Variants in TLN2 observed in about 807,000 individuals in gnomAD.
The protein encoded by TLN2 is talin-2.
In TLN2, 118 loss-of-function variants were observed where a neutral mutation model predicts 294.7. That is an observed-to-expected ratio of 0.40 (90% CI 0.34 to 0.47). The LOEUF (loss-of-function observed/expected upper bound fraction) is 0.47, where lower values mean the gene tolerates loss of function less well. Ranked by LOEUF, TLN2 falls within the 20% of genes least tolerant of loss-of-function variation. TLN2 has a pLI of 0.84. For missense variants in TLN2, 3,083 were observed against 3,282.2 expected, an observed-to-expected ratio of 0.94 and a Z score of 1.48; for synonymous variants, 1,431 against 1,304.5, an observed-to-expected ratio of 1.10 and a Z score of -2.09.
At chr15:62,742,577 A>G (rs753285985) in intron 32 of TLN2, among the ~76,000 whole-genome samples, 6 of 152,170 alleles carry the variant, frequency 3.9e-5, no homozygotes, top group Non-Finnish European at 8.8e-5. Context: ...GGCTCTGTGA[A>G]TAGGTGCAGG....
intron 9 of TLN2, among the ~76,000 whole-genome samples, chr15:62,664,320 A>C (rs2054272398): frequency 6.6e-6 from 1 of 152,064 alleles, no homozygotes; most frequent in South Asian, 2.1e-4. Flanking sequence ...ACATGAAAAG[A>C]TGTTTAACCT....
chr15:62,551,960 G>A (rs1233129223), intron 1 of TLN2, among the ~76,000 whole-genome samples: 3 of 152,166 alleles, frequency 2.0e-5, no homozygotes, highest in African/African-American at 7.2e-5. Context: ...GTTGATAGAA[G>A]GTACAAGAAG....
chr15:62,664,589 T>C (rs2054305599), intron 9 of TLN2, among the ~76,000 whole-genome samples: 1 of 151,968 alleles, frequency 6.6e-6, no homozygotes, highest in African/African-American at 2.4e-5. Flanking sequence ...CTGGGCGCGT[T>C]GGCCCACGCC....
chr15:62,642,342 T>G (rs2065866291), intron 3 of TLN2, among the ~76,000 whole-genome samples: 2 of 152,072 alleles, frequency 1.3e-5, no homozygotes. Context: ...TGCAAGAAAT[T>G]GTACACAGAT....
chr15:62,717,359 A>G (rs949970569), intron 23 of TLN2, among the ~76,000 whole-genome samples: 13 of 152,192 alleles, frequency 8.5e-5, no homozygotes, highest in Admixed American at 1.3e-4. Context: ...TGAGCTTTCA[A>G]GCGTGCCTGT....
At chr15:62,518,619 T>C (rs1316763947) in intron 1 of TLN2, among the ~76,000 whole-genome samples, 2 of 151,992 alleles carry the variant, frequency 1.3e-5, no homozygotes, top group Non-Finnish European at 2.9e-5. Flanking sequence ...TTTTTTGAGA[T>C]GGAATTTTTG....
intron 45 of TLN2, among the ~76,000 whole-genome samples, chr15:62,788,634 G>A (rs1177321295): frequency 1.3e-5 from 2 of 152,128 alleles, no homozygotes; most frequent in East Asian, 1.9e-4. Context: ...AACTACAGTC[G>A]CTAGTATGCG....
chr15:62,794,084 G>A (rs1404339179), intron 46 of TLN2, among the ~76,000 whole-genome samples: 4 of 152,112 alleles, frequency 2.6e-5, no homozygotes, highest in African/African-American at 9.7e-5. Flanking sequence ...CCCCATAAAA[G>A]GCCTTATAGC....
In TLN2 at chr15:62,651,135, T is replaced by C. The variant is rs74970395; in HGVS notation, c.235-870T>C. On this transcript the variant is annotated intron_variant, in intron 5 of 58. Transcript: ENST00000636159. ...TTGCTTATGACAGGTTAAAAGATAATTGGAGACACACACTGATGTCTTTTT... is the reference window on the plus strand; with the variant it reads ...TTGCTTATGACAGGTTAAAAGATAACTGGAGACACACACTGATGTCTTTTT... 5.4e-3 allele frequency among the ~76,000 whole-genome samples: 817 copies of C among 152,336 alleles called. 27 individuals carry two copies. In the East Asian group the frequency reaches 0.083, roughly 16 times the overall value.
At chr15:62,723,538 C>CTT (rs555674609) in intron 26 of TLN2, among the ~76,000 whole-genome samples, 1,788 of 107,094 alleles carry the variant, frequency 0.017, 65 homozygotes, top group South Asian at 0.044. Flanking sequence ...ACTGTGAAAA[C>CTT]TTTTTTTTTT....
At chr15:62,464,314 A>G (rs930601142) in intron 1 of TLN2, among the ~76,000 whole-genome samples, 2 of 152,214 alleles carry the variant, frequency 1.3e-5, no homozygotes, top group East Asian at 1.9e-4. Context: ...TCAGCAAACT[A>G]TCGCAAGGAC....
intron 46 of TLN2, among the ~76,000 whole-genome samples, chr15:62,795,810 AAATGC>A (rs2065434977): frequency 6.6e-6 from 1 of 152,222 alleles, no homozygotes; most frequent in Non-Finnish European, 1.5e-5. Context: ...ACTATGTGCC[AAATGC>A]CTTGCTAGAC....
chr15:62,701,081 G>A (rs1271208940), intron 16 of TLN2, 25 bp from the exon 17 acceptor site: 10 of 1,599,416 alleles, frequency 6.3e-6, no homozygotes, highest in African/African-American at 1.3e-5. Context: ...CTGTGATTGT[G>A]TTGTGCCGTT....
intron 5 of TLN2, 69 bp from the exon 6 acceptor site, chr15:62,651,936 G>T: frequency 6.9e-7 from 1 of 1,450,682 alleles, no homozygotes. Context: ...ATTTTTTAAA[G>T]AAAAGTGTTC....
chr15:62,615,720 CTTTA>C (rs1463958019), intron 2 of TLN2, among the ~76,000 whole-genome samples: 2 of 152,176 alleles, frequency 1.3e-5, no homozygotes, highest in Non-Finnish European at 2.9e-5. Flanking sequence ...TCATGTTTAT[CTTTA>C]TTTATTTCAG....
At chr15:62,606,476 G>A (rs895327173) in intron 2 of TLN2, among the ~76,000 whole-genome samples, 4 of 152,094 alleles carry the variant, frequency 2.6e-5, no homozygotes, top group African/African-American at 4.8e-5. Flanking sequence ...AAAGTTTAGC[G>A]ATGATAGAAT....
intron 43 of TLN2, among the ~76,000 whole-genome samples, chr15:62,780,580 C>T (rs537993126): frequency 2.6e-5 from 4 of 152,350 alleles, no homozygotes; most frequent in South Asian, 4.1e-4. Flanking sequence ...TTGCCCTTCT[C>T]TCAGTTCCTA....
At chr15:62,783,150 C>T (rs2064329015) in intron 44 of TLN2, among the ~76,000 whole-genome samples, 1 of 152,216 alleles carries the variant, frequency 6.6e-6, no homozygotes, top group Non-Finnish European at 1.5e-5. Context: ...TGGCTAAAAC[C>T]TTGTCATTCT....
At chr15:62,622,893 C>T (rs966680053) in intron 3 of TLN2, among the ~76,000 whole-genome samples, 7 of 152,158 alleles carry the variant, frequency 4.6e-5, no homozygotes, top group African/African-American at 7.2e-5. Context: ...TCTAAGCTGT[C>T]GACATAACAT....
Sources: gnomAD v4.1 joint callset for allele counts (sites outside exome capture counted in the v4.1 genomes callset) on GRCh38, gnomAD v4.1.1 for gene constraint, MANE v1.5 for transcripts, NCBI Gene and HGNC (gene_info 2026-07-23, HGNC 2026-07-21) for gene names.